RBPJ: variants seen among roughly 807,000 people sequenced by gnomAD.
RBPJ encodes recombination signal binding protein for immunoglobulin kappa J region.
RBPJ carries 9 observed loss-of-function variants against 67.8 expected under a neutral mutation model. That is an observed-to-expected ratio of 0.13 (90% CI 0.08 to 0.23). The LOEUF is 0.23. Among genes scored for constraint, RBPJ ranks in the 10% least tolerant of loss-of-function variants. The pLI is 1.00. For synonymous variants in RBPJ, 198 were observed against 203.3 expected (o/e 0.97, Z 0.22); for missense variants, 305 against 595.6 (o/e 0.51, Z 5.08).
At chr4:26,145,792 C>G in the RBPJ span, among the ~76,000 whole-genome samples, 1 of 152,108 alleles carries the variant, frequency 6.6e-6, no homozygotes, top group African/African-American at 2.4e-5. Flanking sequence ...TAGTTGGGCT[C>G]TAAACTTCTA....
At chr4:26,149,813 C>CAT in the RBPJ span, among the ~76,000 whole-genome samples, 1 of 152,128 alleles carries the variant, frequency 6.6e-6, no homozygotes, top group African/African-American at 2.4e-5. Flanking sequence ...CAGACTAAGA[C>CAT]ATATGTCTTT....
chr4:26,161,685 C>T (rs1423554300), upstream of RBPJ, among the ~76,000 whole-genome samples: 1 of 152,182 alleles, frequency 6.6e-6, no homozygotes, highest in Non-Finnish European at 1.5e-5. Flanking sequence ...ATAACAGATA[C>T]AAAGGCAACA....
upstream of RBPJ, chr4:26,320,606 C>A: frequency 1.1e-6 from 1 of 872,962 alleles, no homozygotes; most frequent in Admixed American, 3.1e-5. Context: ...AAACGCAGCC[C>A]ATTTTCCCAG....
chr4:26,217,336 A>T (rs774714860), intron 1 of RBPJ, among the ~76,000 whole-genome samples: 66 of 152,258 alleles, frequency 4.3e-4, no homozygotes, highest in Non-Finnish European at 8.4e-4. Context: ...CACCCTGAAA[A>T]TGCCCCTTCC....
intron 2 of RBPJ, among the ~76,000 whole-genome samples, chr4:26,401,177 G>T (rs1271217934): frequency 1.3e-5 from 2 of 152,136 alleles, no homozygotes; most frequent in African/African-American, 4.8e-5. Context: ...GTGTCCCCCT[G>T]CCCCCACCAC....
rs143725687 is a variant in RBPJ at position 26,328,692 on chromosome 4, AGTC to A, written c.20+7647_20+7649del. ...TGCTCAGCCTGGAATACAGTGGCAA[AGTC>A]GTACTTCACTGCAGCCTCAACCTCC... On this transcript the variant is annotated intron_variant, in intron 1 of 10. Coordinates refer to ENST00000355476, the MANE Select transcript of RBPJ (RefSeq NM_015874.6). Among the ~76,000 whole-genome samples, 49 of 152,230 alleles carry A rather than the reference AGTC, an allele frequency of 3.2e-4. No individual in the cohort carries two copies. In the East Asian group the frequency reaches 8.1e-3, roughly 25 times the overall value.
At chr4:26,220,501 A>G (rs1718865526) in intron 1 of RBPJ, among the ~76,000 whole-genome samples, 1 of 152,188 alleles carries the variant, frequency 6.6e-6, no homozygotes, top group Non-Finnish European at 1.5e-5. Context: ...AAAAAGGACA[A>G]AAATCCATGC....
chr4:26,334,152 T>C (rs1724557752), intron 1 of RBPJ, among the ~76,000 whole-genome samples: 1 of 152,032 alleles, frequency 6.6e-6, no homozygotes, highest in African/African-American at 2.4e-5. Flanking sequence ...GCAGTTCTTC[T>C]GCCTCAGCCT....
the RBPJ span, among the ~76,000 whole-genome samples, chr4:26,135,658 A>G: frequency 6.6e-6 from 1 of 152,252 alleles, no homozygotes; most frequent in South Asian, 2.1e-4. Context: ...GCAGAAACCT[A>G]AAAGGCCTGG....
intron 1 of RBPJ, among the ~76,000 whole-genome samples, chr4:26,231,373 C>CCTAATA (rs1357476719): frequency 6.6e-6 from 1 of 151,768 alleles, no homozygotes; most frequent in Non-Finnish European, 1.5e-5. Context: ...AGGAGATGTA[C>CCTAATA]CTAATACTTT....
intron 1 of RBPJ, among the ~76,000 whole-genome samples, chr4:26,181,502 CTTTT>C (rs1245070121): frequency 6.6e-6 from 1 of 152,196 alleles, no homozygotes; most frequent in East Asian, 1.9e-4. Context: ...AGTCTCTCAA[CTTTT>C]ATTATAGTCA....
At chr4:26,259,419 CT>C (rs1720455003) in intron 1 of RBPJ, among the ~76,000 whole-genome samples, 1 of 152,214 alleles carries the variant, frequency 6.6e-6, no homozygotes, top group Admixed American at 6.5e-5. Flanking sequence ...GACCTTTGCT[CT>C]TGATTAGTCT....
At chr4:26,394,961 A>G (rs1731966639) in intron 2 of RBPJ, among the ~76,000 whole-genome samples, 1 of 152,152 alleles carries the variant, frequency 6.6e-6, no homozygotes, top group Admixed American at 6.5e-5. Flanking sequence ...TCTCACTAAG[A>G]ATATTTTTTC....
chr4:26,237,632 A>AG (rs1719495482), intron 1 of RBPJ, among the ~76,000 whole-genome samples: 1 of 152,172 alleles, frequency 6.6e-6, no homozygotes, highest in African/African-American at 2.4e-5. Context: ...ACAGGGTTTT[A>AG]GGGGGTTGAA....
At chr4:26,302,597 T>C (rs1223821367) in intron 1 of RBPJ, among the ~76,000 whole-genome samples, 2 of 152,180 alleles carry the variant, frequency 1.3e-5, no homozygotes, top group South Asian at 2.1e-4. Context: ...AGGCCTAGCA[T>C]AGGGCTGGTT....
intron 1 of RBPJ, among the ~76,000 whole-genome samples, chr4:26,349,660 G>A (rs1273989679): frequency 2.0e-5 from 3 of 152,130 alleles, no homozygotes; most frequent in African/African-American, 7.2e-5. Context: ...TTTTTGCATA[G>A]AGAAAATGAG....
chr4:26,336,672 T>A (rs1240961453), intron 1 of RBPJ, among the ~76,000 whole-genome samples: 5 of 143,278 alleles, frequency 3.5e-5, no homozygotes, highest in East Asian at 2.0e-4. Flanking sequence ...AAAAAAAAAA[T>A]TTCTTTAGAA....
At position 26,415,931 on chromosome 4, in the gene RBPJ, C is replaced by A. The variant is rs1170639606; in HGVS notation, c.321+291C>A. 2.6e-5 allele frequency among the ~76,000 whole-genome samples: 4 copies of A among 152,026 alleles called. No individual in the cohort carries two copies. In the East Asian group the frequency reaches 7.7e-4, roughly 29 times the overall value. On this transcript the variant is annotated intron_variant, in intron 4 of 10. Coordinates refer to ENST00000355476, the MANE Select transcript of RBPJ (RefSeq NM_015874.6). ...GGAAGCCAGTAATAAATTTAGGAGG[C>A]TGATTGCTCATCTTCTGTTTGACAG... is the stretch of plus-strand genomic sequence containing the variant.
intron 1 of RBPJ, among the ~76,000 whole-genome samples, chr4:26,219,334 T>A (rs1718825273): frequency 6.6e-6 from 1 of 152,122 alleles, no homozygotes; most frequent in Admixed American, 6.6e-5. Context: ...GTGACAAGGA[T>A]CAGGGCGGAA....
Sources: allele counts gnomAD v4.1 joint callset (sites outside exome capture counted in the v4.1 genomes callset), GRCh38; gene constraint gnomAD v4.1.1; transcripts MANE v1.5; gene names NCBI Gene and HGNC (gene_info 2026-07-23, HGNC 2026-07-21).